MCM2: variants seen among roughly 807,000 people sequenced by gnomAD.
MCM2 encodes the protein DNA replication licensing factor MCM2.
In MCM2, 49 loss-of-function variants were observed where a neutral mutation model predicts 86.4. The observed-to-expected ratio is 0.57, with a 90% CI of 0.45 to 0.72. The LOEUF (loss-of-function observed/expected upper bound fraction) is 0.72. Among genes scored for constraint, MCM2 ranks in the 30% least tolerant of loss-of-function variants. MCM2 has a pLI of 0.00. For missense variants in MCM2, 1,038 were observed against 1,259.9 expected, an observed-to-expected ratio of 0.82 and a Z score of 2.67; for synonymous variants, 475 against 484.6, an observed-to-expected ratio of 0.98 and a Z score of 0.26.
In MCM2 at chr3:127,618,169, G is replaced by A. The variant is rs1263943566; in HGVS notation, c.2013+88G>A. On this transcript the variant is annotated intron_variant, in intron 12 of 15. Transcript: ENST00000265056. The surrounding 1 kb of genome is among the most constrained non-coding windows in gnomAD (Gnocchi z 4.0). Reference sequence around the variant, plus strand: ...GGTCATACAGTGTGCCCAACACAGGGGACAGGTGCTGCAGGGGCCATAGGC... The same window carrying A: ...GGTCATACAGTGTGCCCAACACAGGAGACAGGTGCTGCAGGGGCCATAGGC... 2.0e-6 allele frequency: 2 copies of A among 1,020,812 alleles called. No individual in the cohort carries two copies. The highest frequency in any genetic ancestry group is 3.0e-6 in the Non-Finnish European group (2 of 658,674). The allele number at this position is 1,020,812 out of a possible 1,614,324, so 63.2% of individuals were successfully genotyped here.
At chr3:127,604,539 C>T (rs942165138) in intron 2 of MCM2, 69 bp from the exon 3 acceptor site, 37 of 1,533,614 alleles carry the variant, frequency 2.4e-5, no homozygotes, top group Non-Finnish European at 2.8e-5. Flanking sequence ...GGCCCAGTTC[C>T]TGGATGGGGT....
Position 127,604,887 on chromosome 3 carries a change from C to T in MCM2, c.413-9C>T, listed in dbSNP as rs763948411. 2.5e-6 allele frequency: 4 copies of T among 1,603,790 alleles called. No individual in the cohort carries two copies. The highest frequency in any genetic ancestry group is 2.2e-5 in the South Asian group (2 of 90,014). ...TGACCGCAGTAGCAGGTGTCTCTTG[C>T]CTCCCCAGACAGCGATGAGGAGGAC... is the stretch of plus-strand genomic sequence containing the variant. On this transcript the variant is annotated splice_polypyrimidine_tract_variant and intron_variant, in intron 3 of 15. Coordinates refer to ENST00000265056, the MANE Select transcript of MCM2 (RefSeq NM_004526.4).
chr3:127,598,487 G>A lies in MCM2; in HGVS notation c.6+15G>A, dbSNP rs375858980. On this transcript the variant is annotated intron_variant, in intron 1 of 15. Transcript: ENST00000265056. Reference sequence around the variant, plus strand: ...CTGCTATGGCGGTGAGCGCGCTGGCGCGTGGCGGGCGGGCGCCGGGGACAT... The same window carrying A: ...CTGCTATGGCGGTGAGCGCGCTGGCACGTGGCGGGCGGGCGCCGGGGACAT... The A allele has an allele frequency of 4.3e-6, 7 of 1,612,326 alleles. No individual in the cohort carries two copies. The highest frequency in any genetic ancestry group is 4.5e-5 in the East Asian group (2 of 44,750).
Position 127,616,866 on chromosome 3 carries a change from A to C in MCM2, c.1523-2A>C. ...TCCCCCGCTTCTACTCATCCCCTCC[A>C]GGTGGCAAGCACAAGGTACGTGGTG... On this transcript the variant is annotated splice_acceptor_variant, in intron 9 of 15. Transcript: ENST00000265056. LOFTEE classifies it high-confidence loss of function. 6.2e-7 allele frequency: 1 copy of C among 1,609,640 alleles called. No homozygotes were observed. The highest frequency in any genetic ancestry group is 8.5e-7 in the Non-Finnish European group (1 of 1,176,462).
chr3:127,602,076 C>T (rs2074309795), intron 2 of MCM2, among the ~76,000 whole-genome samples: 1 of 151,700 alleles, frequency 6.6e-6, no homozygotes, highest in Non-Finnish European at 1.5e-5. Flanking sequence ...CAGTTATTTT[C>T]TCCTCAATCT....
chr3:127,605,730 G>A (rs1021046345), intron 4 of MCM2, among the ~76,000 whole-genome samples: 8 of 152,022 alleles, frequency 5.3e-5, no homozygotes, highest in Non-Finnish European at 1.2e-4. Flanking sequence ...GTGAGCCACC[G>A]TCCCCAGCCA....
rs933309655 is a variant in MCM2 at position 127,618,474 on chromosome 3, G to A, written c.2013+393G>A. Among the ~76,000 whole-genome samples the A allele has an allele frequency of 2.0e-5, 3 of 152,132 alleles. No homozygotes were observed. Among genetic ancestry groups the A allele is most frequent in the Admixed American group, 2.0e-4 (3 of 15,278 alleles). ...TAACAACTGCTTGAGGCTTTCTGCT[G>A]TCATCAGAATAGAATCCAGGGTCCT... On this transcript the variant is annotated intron_variant, in intron 12 of 15. Transcript: ENST00000265056. This position sits in a 1 kb window ranked among gnomAD's most constrained non-coding sequence, Gnocchi z 4.0.
intron 8 of MCM2, among the ~76,000 whole-genome samples, 164 bp downstream of exon 8, chr3:127,609,187 G>A (rs142779979): frequency 1.3e-5 from 2 of 152,318 alleles, no homozygotes; most frequent in Non-Finnish European, 2.9e-5. Context: ...CAGGGAAGAG[G>A]TAAACTCGCA....
Position 127,617,446 on chromosome 3 carries a change from C to T in MCM2, c.1900+41C>T, listed in dbSNP as rs1364050986. ...TGACTGCTGGGGCTGGGGTGGGACA[C>T]AGGGAGGTCCCGCCTGCTTGAATTG... On this transcript the variant is annotated intron_variant, in intron 11 of 15. Coordinates refer to ENST00000265056, the MANE Select transcript of MCM2 (RefSeq NM_004526.4). The surrounding 1 kb of genome is among the most constrained non-coding windows in gnomAD (Gnocchi z 4.1). 1.3e-6 allele frequency: 2 copies of T among 1,592,878 alleles called. No homozygotes were observed. The highest frequency in any genetic ancestry group is 1.8e-5 in the Admixed American group (1 of 57,030).
Position 127,606,078 on chromosome 3 carries a change from C to T in MCM2, c.674-40C>T. The T allele has an allele frequency of 6.6e-7, 1 of 1,522,526 alleles. No homozygotes were observed. Among genetic ancestry groups the T allele is most frequent in the Non-Finnish European group, 9.1e-7 (1 of 1,097,290 alleles). 94.3% of individuals were successfully genotyped at this position (1,522,526 alleles called of 1,614,324 possible). On this transcript the variant is annotated intron_variant, in intron 4 of 15. Transcript: ENST00000265056. This position sits in a 1 kb window ranked among gnomAD's most constrained non-coding sequence, Gnocchi z 4.2. The stretch of plus-strand genomic sequence containing the variant: ...CATTGTTGCAGCCCAGCCCAGGCCT[C>T]ATGCTTAGTTAACTCTCTTCCCACT...
At chr3:127,616,733 T>G in intron 9 of MCM2, 135 bp from the exon 10 acceptor site, 4 of 964,258 alleles carry the variant, frequency 4.1e-6, no homozygotes, top group Non-Finnish European at 6.3e-6. Flanking sequence ...GCGTAGGGCA[T>G]TGTATCCCTT....
intron 8 of MCM2, among the ~76,000 whole-genome samples, chr3:127,612,723 C>G (rs17538614): frequency 0.012 from 1,900 of 152,248 alleles, 56 homozygotes; most frequent in African/African-American, 0.044. Flanking sequence ...GCTCACAGTA[C>G]CCACTCAGGT....
chr3:127,620,655 T>C, intron 13 of MCM2, 43 bp from the exon 14 acceptor site: 9 of 1,533,438 alleles, frequency 5.9e-6, no homozygotes, highest in Non-Finnish European at 7.9e-6. Context: ...TCCTTGCTTC[T>C]CTTTCCTGCC....
chr3:127,613,480 C>T (rs2074413632), intron 8 of MCM2, among the ~76,000 whole-genome samples: 1 of 152,122 alleles, frequency 6.6e-6, no homozygotes, highest in Non-Finnish European at 1.5e-5. Flanking sequence ...TTCATCTCTG[C>T]CTGTTTTACT....
At chr3:127,600,926 C>T (rs1248724184) in intron 2 of MCM2, among the ~76,000 whole-genome samples, 5 of 151,854 alleles carry the variant, frequency 3.3e-5, no homozygotes. Flanking sequence ...AGAGTTTACC[C>T]CTTGCGAAAA....
chr3:127,620,157 A>G (rs902488332), intron 13 of MCM2, among the ~76,000 whole-genome samples: 1 of 152,210 alleles, frequency 6.6e-6, no homozygotes, highest in African/African-American at 2.4e-5. Flanking sequence ...AATGAACACA[A>G]GGTCTTTGGC....
intron 8 of MCM2, among the ~76,000 whole-genome samples, chr3:127,611,316 G>A (rs1334667419): frequency 2.0e-5 from 3 of 152,172 alleles, no homozygotes; most frequent in East Asian, 3.8e-4. Context: ...TGCCTACCAC[G>A]CCAAAGGAGC....
In MCM2 at chr3:127,617,269, A is replaced by T; in HGVS notation, c.1774-10A>T. 1 of 1,614,002 alleles carries T rather than the reference A, an allele frequency of 6.2e-7. No homozygotes were observed. Among genetic ancestry groups the T allele is most frequent in the Non-Finnish European group, 8.5e-7 (1 of 1,179,950 alleles). The stretch of plus-strand genomic sequence containing the variant: ...AACCATGCTAAGGGTGGGCCATTTT[A>T]ATCTTGCAGATGAATGACCAGGACA... On this transcript the variant is annotated splice_polypyrimidine_tract_variant and intron_variant, in intron 10 of 15. Transcript: ENST00000265056. The surrounding 1 kb of genome is among the most constrained non-coding windows in gnomAD (Gnocchi z 4.1).
chr3:127,605,224 C>T (rs911696073), intron 4 of MCM2, 68 bp downstream of exon 4: 4 of 1,569,582 alleles, frequency 2.5e-6, no homozygotes, highest in Non-Finnish European at 3.5e-6. Flanking sequence ...AGAAAGTTGT[C>T]TGAGCCGAGT....
Sources: gnomAD v4.1 joint callset for allele counts (sites outside exome capture counted in the v4.1 genomes callset) on GRCh38, gnomAD v4.1.1 for gene constraint, Gnocchi (gnomAD v3.1) non-coding constraint, MANE v1.5 for transcripts, NCBI Gene and HGNC (gene_info 2026-07-23, HGNC 2026-07-21) for gene names.